Variants in NLGN1 observed in about 807,000 individuals in gnomAD.
The protein encoded by NLGN1 is neuroligin-1.
NLGN1 carries 12 observed loss-of-function variants against 65.5 expected under a neutral mutation model. The observed-to-expected ratio is 0.18, with a 90% confidence interval of 0.12 to 0.30. NLGN1 has a LOEUF of 0.30. Among genes scored for constraint, NLGN1 ranks in the 10% least tolerant of loss-of-function variants. The probability of loss-of-function intolerance (pLI) is 1.00; values close to 1 mark genes in which losing one functional copy is unlikely to be tolerated. For synonymous variants in NLGN1, 350 were observed against 359.5 expected (o/e 0.97, Z 0.30); for missense variants, 750 against 1,007.1 (o/e 0.74, Z 3.46).
At chr3:174,250,970 G>T (rs1445735820) in intron 4 of NLGN1, among the ~76,000 whole-genome samples, 2 of 151,994 alleles carry the variant, frequency 1.3e-5, no homozygotes, top group Non-Finnish European at 2.9e-5. Flanking sequence ...AGGGAATCAA[G>T]GTTTCCTCTG....
chr3:174,160,248 C>T (rs1321270946), intron 4 of NLGN1, among the ~76,000 whole-genome samples: 1 of 151,488 alleles, frequency 6.6e-6, no homozygotes, highest in Non-Finnish European at 1.5e-5. Flanking sequence ...AAAATTTTGC[C>T]ACATTTACAT....
intron 3 of NLGN1, among the ~76,000 whole-genome samples, chr3:173,770,996 C>G (rs1048026688): frequency 2.0e-5 from 3 of 152,148 alleles, no homozygotes; most frequent in Admixed American, 2.0e-4. Context: ...ACTCTGTTTC[C>G]TCAGCTGGCA....
At chr3:173,953,496 G>C (rs1748616488) in intron 4 of NLGN1, among the ~76,000 whole-genome samples, 1 of 152,148 alleles carries the variant, frequency 6.6e-6, no homozygotes, top group South Asian at 2.1e-4. Flanking sequence ...ATGGTAGACA[G>C]TCCTGGACTG....
chr3:174,211,624 G>T, intron 4 of NLGN1, among the ~76,000 whole-genome samples: 1 of 149,222 alleles, frequency 6.7e-6, no homozygotes, highest in Non-Finnish European at 1.5e-5. Context: ...GTGTCGATTG[G>T]TGCACTCACA....
rs185815766 is a variant in NLGN1 at position 173,516,861 on chromosome 3, A to G, written c.-321+81783A>G. Among the ~76,000 whole-genome samples, 436 of 152,236 alleles carry G rather than the reference A, an allele frequency of 2.9e-3. 1 individual carries two copies. The highest frequency in any genetic ancestry group is 1.0e-2 in the African/African-American group (415 of 41,580). ...ATTACTGAGTATAAAACCTGACTTC[A>G]ATAATTTGGTAGTAATATGAATAAT... On this transcript the variant is annotated intron_variant, in intron 2 of 6. Coordinates refer to ENST00000457714, the Ensembl canonical transcript of NLGN1.
chr3:174,049,038 T>C (rs1322679064), intron 4 of NLGN1, among the ~76,000 whole-genome samples: 1 of 151,480 alleles, frequency 6.6e-6, no homozygotes, highest in Admixed American at 6.6e-5. Flanking sequence ...CAACAGTCCA[T>C]GGTGGGTTCA....
At chr3:173,610,671 G>C (rs1752140156) in intron 3 of NLGN1, among the ~76,000 whole-genome samples, 1 of 151,898 alleles carries the variant, frequency 6.6e-6, no homozygotes, top group South Asian at 2.1e-4. Flanking sequence ...GATTTTTTTT[G>C]TTGGCCTGGA....
intron 3 of NLGN1, chr3:173,724,516 T>A (rs1284378374): frequency 6.1e-6 from 1 of 164,858 alleles, no homozygotes; most frequent in Non-Finnish European, 1.4e-5. Flanking sequence ...CCATAGGTGA[T>A]CTGCCCACCT....
At chr3:174,142,162 T>G (rs1420886363) in intron 4 of NLGN1, among the ~76,000 whole-genome samples, 1 of 152,210 alleles carries the variant, frequency 6.6e-6, no homozygotes, top group Non-Finnish European at 1.5e-5. Flanking sequence ...GTTTAATATA[T>G]TGTATAAATG....
At chr3:174,076,722 AGAGTGTGTGTGT>A (rs1741057994) in intron 4 of NLGN1, among the ~76,000 whole-genome samples, 4 of 102,892 alleles carry the variant, frequency 3.9e-5, no homozygotes, top group African/African-American at 1.4e-4. Context: ...AGAGAGAGAG[AGAGTGTGTGTGT>A]GTGTGTGTGT....
At chr3:173,921,631 GTTAACATGTGTAT>G (rs925081413) in intron 4 of NLGN1, among the ~76,000 whole-genome samples, 8 of 152,022 alleles carry the variant, frequency 5.3e-5, no homozygotes, top group Admixed American at 3.9e-4. Flanking sequence ...GAAGGAAACA[GTTAACATGTGTAT>G]GAGTTCTTTG....
intron 4 of NLGN1, among the ~76,000 whole-genome samples, chr3:174,140,290 A>G (rs1428587643): frequency 6.6e-6 from 1 of 152,126 alleles, no homozygotes; most frequent in African/African-American, 2.4e-5. Context: ...TTCATTACCT[A>G]GAGTTAGGTT....
chr3:173,945,267 G>A lies in NLGN1; in HGVS notation c.646+137435G>A, dbSNP rs145084952. The stretch of plus-strand genomic sequence containing the variant: ...AAAAACTCTGCTCTCTGGTGATGTT[G>A]GTTACATCTGTGCAGCTATCAGTGT... On this transcript the variant is annotated intron_variant, in intron 4 of 6. Transcript: ENST00000457714. Among the ~76,000 whole-genome samples, 482 of 152,052 alleles carry A rather than the reference G, an allele frequency of 3.2e-3. 1 individual carries two copies. The highest frequency in any genetic ancestry group is 0.011 in the African/African-American group (453 of 41,476).
At chr3:173,695,231 AAGAC>A in intron 3 of NLGN1, among the ~76,000 whole-genome samples, 1 of 152,330 alleles carries the variant, frequency 6.6e-6, no homozygotes, top group South Asian at 2.1e-4. Context: ...AAGTACTTTG[AAGAC>A]ATGATTCTGT....
chr3:173,640,323 A>G (rs1757206541), intron 3 of NLGN1, among the ~76,000 whole-genome samples: 1 of 152,146 alleles, frequency 6.6e-6, no homozygotes, highest in Non-Finnish European at 1.5e-5. Context: ...GCATTTTAGT[A>G]TTATATTCTT....
Position 173,418,662 on chromosome 3 carries a change from A to G in NLGN1, c.-389-16348A>G, listed in dbSNP as rs565656708. Among the ~76,000 whole-genome samples the G allele has an allele frequency of 1.7e-3, 262 of 152,296 alleles. 1 individual carries two copies. Among genetic ancestry groups the G allele is most frequent in the Non-Finnish European group, 3.0e-3 (204 of 68,008 alleles). ...TTTGAGATTTCATCTAATTTTTCTA[A>G]TCTACTGTCCATTTATTCTGTTTAT... On this transcript the variant is annotated intron_variant, in intron 1 of 6. Coordinates refer to ENST00000457714, the Ensembl canonical transcript of NLGN1.
intron 4 of NLGN1, among the ~76,000 whole-genome samples, chr3:173,899,671 T>A (rs1333343961): frequency 1.3e-5 from 2 of 152,146 alleles, no homozygotes; most frequent in Admixed American, 6.6e-5. Flanking sequence ...GAACACAGTT[T>A]CACCCATTCT....
intron 4 of NLGN1, among the ~76,000 whole-genome samples, chr3:173,969,181 A>G (rs942567902): frequency 1.3e-5 from 2 of 152,122 alleles, no homozygotes; most frequent in African/African-American, 4.8e-5. Flanking sequence ...ATGTGACCCA[A>G]ACAAAGGGAA....
At chr3:174,085,022 A>C (rs528774856) in intron 4 of NLGN1, among the ~76,000 whole-genome samples, 60 of 152,156 alleles carry the variant, frequency 3.9e-4, no homozygotes, top group African/African-American at 1.4e-3. Flanking sequence ...TTGAAAGAAA[A>C]ACATTCTCAT....
Sources: allele counts gnomAD v4.1 joint callset (sites outside exome capture counted in the v4.1 genomes callset), GRCh38; gene constraint gnomAD v4.1.1; transcripts MANE v1.5; gene names NCBI Gene and HGNC (gene_info 2026-07-23, HGNC 2026-07-21).